Variants in NLGN1 observed in about 807,000 individuals in gnomAD.
NLGN1 encodes the protein neuroligin 1, also known as neuroligin-1.
In NLGN1, 12 loss-of-function variants were observed where a neutral mutation model predicts 65.5. The observed-to-expected ratio is 0.18, with a 90% confidence interval of 0.12 to 0.30. The LOEUF (loss-of-function observed/expected upper bound fraction) is 0.30, where lower values mean the gene tolerates loss of function less well. Among genes scored for constraint, NLGN1 ranks in the 10% least tolerant of loss-of-function variants. The pLI is 1.00. For synonymous variants in NLGN1, 350 were observed against 359.5 expected, an observed-to-expected ratio of 0.97 and a Z score of 0.30; for missense variants, 750 against 1,007.1, an observed-to-expected ratio of 0.74 and a Z score of 3.46.
intron 3 of NLGN1, among the ~76,000 whole-genome samples, chr3:173,718,962 A>G (rs1770344029): frequency 6.6e-6 from 1 of 152,186 alleles, no homozygotes; most frequent in African/African-American, 2.4e-5. Flanking sequence ...GTTGAAAGGA[A>G]CTAACATAAT....
chr3:173,677,289 G>A (rs1388663464), intron 3 of NLGN1, among the ~76,000 whole-genome samples: 4 of 151,970 alleles, frequency 2.6e-5, no homozygotes, highest in East Asian at 1.9e-4. Flanking sequence ...AGGTAGTACC[G>A]TCTTGCACCT....
At chr3:173,856,705 G>A (rs1220098755) in intron 4 of NLGN1, among the ~76,000 whole-genome samples, 1 of 152,036 alleles carries the variant, frequency 6.6e-6, no homozygotes, top group East Asian at 1.9e-4. Context: ...TAAATGTATG[G>A]ATAATATTCC....
intron 4 of NLGN1, among the ~76,000 whole-genome samples, chr3:173,946,180 G>A (rs758812537): frequency 1.3e-5 from 2 of 152,112 alleles, no homozygotes; most frequent in African/African-American, 2.4e-5. Flanking sequence ...AGTAATACAC[G>A]TTCAGTGTGA....
chr3:173,435,709 C>T (rs1032452422), intron 2 of NLGN1, among the ~76,000 whole-genome samples: 1 of 152,204 alleles, frequency 6.6e-6, no homozygotes, highest in Admixed American at 6.5e-5. Context: ...GCAGTGCACG[C>T]CTGTAGTCCC....
intron 4 of NLGN1, among the ~76,000 whole-genome samples, chr3:173,962,656 T>G (rs1713870708): frequency 6.6e-6 from 1 of 152,164 alleles, no homozygotes; most frequent in Non-Finnish European, 1.5e-5. Flanking sequence ...GATAAAGAAT[T>G]TACGATGTAA....
At chr3:174,261,112 G>C (rs1746807927) in intron 4 of NLGN1, among the ~76,000 whole-genome samples, 1 of 152,160 alleles carries the variant, frequency 6.6e-6, no homozygotes, top group Non-Finnish European at 1.5e-5. Context: ...TTGAAGTCAG[G>C]TAGTGTGATG....
chr3:173,640,694 G>C (rs374173242), intron 3 of NLGN1, among the ~76,000 whole-genome samples: 1 of 152,066 alleles, frequency 6.6e-6, no homozygotes, highest in Non-Finnish European at 1.5e-5. Flanking sequence ...TTCATGAACC[G>C]TCCATTTACT....
chr3:173,652,253 C>G (rs1020202863), intron 3 of NLGN1, among the ~76,000 whole-genome samples: 4 of 152,136 alleles, frequency 2.6e-5, no homozygotes, highest in African/African-American at 9.7e-5. Context: ...TTTTGCTGTG[C>G]AGGAACTTTT....
intron 1 of NLGN1, among the ~76,000 whole-genome samples, chr3:173,432,026 G>T (rs749304663): frequency 5.3e-5 from 8 of 152,260 alleles, no homozygotes; most frequent in African/African-American, 1.9e-4. Context: ...TAATATGCAT[G>T]TAAGGTTCCT....
intron 3 of NLGN1, among the ~76,000 whole-genome samples, chr3:173,765,403 A>G (rs1778627075): frequency 6.6e-6 from 1 of 152,286 alleles, no homozygotes; most frequent in South Asian, 2.1e-4. Flanking sequence ...CTTTATCTGG[A>G]GAAATGGTAA....
At chr3:174,110,667 A>T (rs1715000793) in intron 4 of NLGN1, among the ~76,000 whole-genome samples, 1 of 152,000 alleles carries the variant, frequency 6.6e-6, no homozygotes, top group African/African-American at 2.4e-5. Context: ...GTTAAAGGAC[A>T]TTTGCTTGAT....
intron 4 of NLGN1, among the ~76,000 whole-genome samples, chr3:174,094,354 T>C (rs944660707): frequency 1.3e-5 from 2 of 152,208 alleles, no homozygotes; most frequent in African/African-American, 4.8e-5. Context: ...CTTGTAGCTA[T>C]AGAGCGAGCT....
At chr3:173,684,203 CAGTA>C (rs1322177957) in intron 3 of NLGN1, among the ~76,000 whole-genome samples, 5 of 151,994 alleles carry the variant, frequency 3.3e-5, no homozygotes, top group South Asian at 4.1e-4. Context: ...TTTGAAGACA[CAGTA>C]AGTTTTTTTA....
chr3:173,454,486 C>T (rs961870896), intron 2 of NLGN1, among the ~76,000 whole-genome samples: 2 of 152,200 alleles, frequency 1.3e-5, no homozygotes, highest in African/African-American at 4.8e-5. Flanking sequence ...ACTGTAGCCA[C>T]CTTCATCAGT....
At chr3:173,822,982 C>A (rs1416320010) in intron 4 of NLGN1, among the ~76,000 whole-genome samples, 1 of 151,766 alleles carries the variant, frequency 6.6e-6, no homozygotes, top group Non-Finnish European at 1.5e-5. Flanking sequence ...TGAGTAACTT[C>A]AATTTAATAC....
chr3:173,919,635 T>C (rs1299003249), intron 4 of NLGN1, among the ~76,000 whole-genome samples: 1 of 152,192 alleles, frequency 6.6e-6, no homozygotes, highest in African/African-American at 2.4e-5. Flanking sequence ...CTATAACTCA[T>C]TGTATCTTAG....
chr3:174,034,079 T>C (rs1166470367), intron 4 of NLGN1, among the ~76,000 whole-genome samples: 2 of 151,994 alleles, frequency 1.3e-5, no homozygotes, highest in Non-Finnish European at 2.9e-5. Context: ...GAGAAACACT[T>C]TATGTATAGA....
At chr3:174,065,901 C>T (rs1462428263) in intron 4 of NLGN1, among the ~76,000 whole-genome samples, 1 of 152,104 alleles carries the variant, frequency 6.6e-6, no homozygotes, top group Non-Finnish European at 1.5e-5. Context: ...AGCTCCACAG[C>T]ATGCAAGGAA....
intron 3 of NLGN1, 142 bp from the exon 3 acceptor site, chr3:173,605,392 T>C: frequency 2.3e-6 from 1 of 440,904 alleles, no homozygotes; most frequent in East Asian, 5.4e-5. Context: ...CATTTCCTCA[T>C]TGCATGTGCA....
Sources: allele counts gnomAD v4.1 joint callset (sites outside exome capture counted in the v4.1 genomes callset), GRCh38; gene constraint gnomAD v4.1.1; transcripts MANE v1.5; gene names NCBI Gene and HGNC (gene_info 2026-07-23, HGNC 2026-07-21).